Variants in CNPPD1 observed in about 807,000 individuals in gnomAD.
CNPPD1 encodes cyclin Pas1/PHO80 domain containing 1.
In CNPPD1, 40 loss-of-function variants were observed where a neutral mutation model predicts 43.7. The ratio of observed to expected loss-of-function variants is 0.92; its 90% CI spans 0.71 to 1.19. The LOEUF is 1.19. CNPPD1 is among the 50% of genes most tolerant of loss of function. CNPPD1 has a pLI of 0.00. For synonymous variants in CNPPD1, 208 were observed against 214.3 expected, an observed-to-expected ratio of 0.97 and a Z score of 0.26; for missense variants, 511 against 518.5, an observed-to-expected ratio of 0.99 and a Z score of 0.14.
In CNPPD1 at chr2:219,173,474, G is replaced by C; in HGVS notation, c.573-7C>G. 1.9e-6 allele frequency: 3 copies of C among 1,612,388 alleles called. No homozygotes were observed. Among genetic ancestry groups the C allele is most frequent in the Non-Finnish European group, 2.5e-6 (3 of 1,178,676 alleles). ...TCCCTGCTGCTCAGCCACACTGGGGGAAGTGGAGAAATGACAAGAGTATGC... is the reference window on the plus strand; with the variant it reads ...TCCCTGCTGCTCAGCCACACTGGGGCAAGTGGAGAAATGACAAGAGTATGC... On this transcript the variant is annotated splice_region_variant and splice_polypyrimidine_tract_variant and intron_variant, in intron 6 of 7. Coordinates refer to ENST00000360507, the MANE Select transcript of CNPPD1 (RefSeq NM_015680.6).
intron 7 of CNPPD1, 83 bp downstream of exon 7, chr2:219,173,267 G>C: frequency 1.4e-6 from 2 of 1,456,844 alleles, no homozygotes; most frequent in Non-Finnish European, 1.9e-6. Context: ...CCCATCTCCT[G>C]GGCTTTTCAG....
At position 219,172,502 on chromosome 2, in the gene CNPPD1, G is replaced by T; in HGVS notation, c.*84C>A. Reference sequence around the variant, plus strand: ...AGGGGACCTGCCAAGGACCCAGCGAGGCAGACAGGATCTGAATCAAGCTTT... The same window carrying T: ...AGGGGACCTGCCAAGGACCCAGCGATGCAGACAGGATCTGAATCAAGCTTT... On this transcript the variant is annotated 3_prime_UTR_variant, in exon 8 of 8. Transcript: ENST00000360507. The T allele has an allele frequency of 6.9e-7, 1 of 1,457,190 alleles. No homozygotes were observed. The highest frequency in any genetic ancestry group is 9.6e-7 in the Non-Finnish European group (1 of 1,043,314). 90.3% of individuals were successfully genotyped at this position (1,457,190 alleles called of 1,614,324 possible).
Position 219,173,477 on chromosome 2 carries a change from G to A in CNPPD1, c.573-10C>T, listed in dbSNP as rs760659532. The A allele has an allele frequency of 6.2e-6, 10 of 1,611,830 alleles. No individual in the cohort carries two copies. Among genetic ancestry groups the A allele is most frequent in the South Asian group, 2.2e-5 (2 of 91,010 alleles). On this transcript the variant is annotated splice_polypyrimidine_tract_variant and intron_variant, in intron 6 of 7. Transcript: ENST00000360507. ...CTGCTGCTCAGCCACACTGGGGGAA[G>A]TGGAGAAATGACAAGAGTATGCAAC...
upstream of CNPPD1, chr2:219,176,937 G>A (rs1285092822): frequency 1.1e-6 from 1 of 946,996 alleles, no homozygotes; most frequent in Admixed American, 2.8e-5. Context: ...CCTCCCCGGG[G>A]CGGGCCGCCG....
In CNPPD1 at chr2:219,172,194, T is replaced by A; in HGVS notation, c.*392A>T. ...CCCCGGCTCTTCTGCCTCAGGGACA[T>A]CACACAGGCCCATGCCAACATTTCC... is the stretch of plus-strand genomic sequence containing the variant. On this transcript the variant is annotated 3_prime_UTR_variant, in exon 8 of 8. Coordinates refer to ENST00000360507, the MANE Select transcript of CNPPD1 (RefSeq NM_015680.6). The A allele has an allele frequency of 3.8e-6, 1 of 264,204 alleles. No individual in the cohort carries two copies. The highest frequency in any genetic ancestry group is 7.3e-6 in the Non-Finnish European group (1 of 136,140). 16.4% of individuals were successfully genotyped at this position (264,204 alleles called of 1,614,324 possible).
At chr2:219,176,934 G>A (rs1182808697), upstream of CNPPD1, 4 of 986,130 alleles carry the variant, frequency 4.1e-6, no homozygotes, top group East Asian at 6.1e-5. Flanking sequence ...CTGCCTCCCC[G>A]GGGCGGGCCG....
In CNPPD1 at chr2:219,173,386, C is replaced by T; in HGVS notation, c.654G>A (p.Gln218=). 6.2e-7 allele frequency: 1 copy of T among 1,613,664 alleles called. No homozygotes were observed. The change falls in exon 7 of 8, where the codon CAG becomes CAA. Residue 218 remains glutamine (Q), a synonymous_variant. Coordinates refer to ENST00000360507, the MANE Select transcript of CNPPD1 (RefSeq NM_015680.6). ...LCVLLEQPTW[Q]LALGSLCQRL... The stretch of plus-strand genomic sequence containing the variant: ...GCTGGCAGAGGGAGCCCAGGGCCAA[C>T]TGCCAGGTCGGCTGCTCCAGCAGCA...
upstream of CNPPD1, chr2:219,176,961 CCTCGCA>C: frequency 1.5e-6 from 1 of 674,868 alleles, no homozygotes; most frequent in Non-Finnish European, 2.4e-6. Flanking sequence ...TCGCCCTCGC[CCTCGCA>C]GCTCCCTCCC....
upstream of CNPPD1, chr2:219,176,946 C>A (rs866423224): frequency 9.0e-5 from 74 of 819,438 alleles, 6 homozygotes; most frequent in Middle Eastern, 0.014. Context: ...GGCGGGCCGC[C>A]GTCCTCGCCC....
intron 5 of CNPPD1, 137 bp from the exon 6 acceptor site, chr2:219,174,344 C>CA: frequency 1.2e-6 from 1 of 860,592 alleles, no homozygotes; most frequent in Admixed American, 2.0e-5. Flanking sequence ...GATACTGTCT[C>CA]AAAAGTTTTT....
intron 5 of CNPPD1, 52 bp downstream of exon 5, chr2:219,174,726 A>T: frequency 6.5e-7 from 1 of 1,529,916 alleles, no homozygotes; most frequent in Non-Finnish European, 8.8e-7. Context: ...GGACTAAAGG[A>T]CGGTTAAAGA....
chr2:219,173,703 T>C (rs1273063256), intron 6 of CNPPD1, among the ~76,000 whole-genome samples: 4 of 152,178 alleles, frequency 2.6e-5, no homozygotes, highest in Non-Finnish European at 5.9e-5. Context: ...AGTGCAGTAG[T>C]GCAATCATAG....
intron 7 of CNPPD1, 68 bp downstream of exon 7, chr2:219,173,282 C>A: frequency 6.7e-7 from 1 of 1,491,618 alleles, no homozygotes; most frequent in Non-Finnish European, 9.2e-7. Context: ...TTTCAGCAAT[C>A]ACTTCACACC....
At chr2:219,176,409 G>A (rs1436435321) in intron 1 of CNPPD1, 78 bp from the exon 2 acceptor site, 7 of 1,148,016 alleles carry the variant, frequency 6.1e-6, no homozygotes, top group Non-Finnish European at 9.0e-6. Context: ...GCTGGAAGGC[G>A]GGGCAGGGGA....
chr2:219,174,270 G>A, intron 5 of CNPPD1, 63 bp from the exon 6 acceptor site: 2 of 1,531,204 alleles, frequency 1.3e-6, no homozygotes, highest in Non-Finnish European at 1.8e-6. Flanking sequence ...TTAATAATAA[G>A]AGCCATAGCA....
chr2:219,175,252 G>A, intron 3 of CNPPD1, 144 bp from the exon 4 acceptor site: 1 of 1,150,094 alleles, frequency 8.7e-7, no homozygotes, highest in Non-Finnish European at 1.2e-6. Context: ...TGTAATCCCA[G>A]CACTTTGGAA....
chr2:219,175,152 A>C, intron 3 of CNPPD1, 44 bp from the exon 4 acceptor site: 5 of 1,530,676 alleles, frequency 3.3e-6, no homozygotes, highest in Non-Finnish European at 4.4e-6. Context: ...AGGGTCCTTC[A>C]GCTCTTGCAA....
chr2:219,173,325 C>T (rs1375301659), intron 7 of CNPPD1, 25 bp downstream of exon 7: 2 of 1,599,254 alleles, frequency 1.3e-6, no homozygotes, highest in Non-Finnish European at 1.7e-6. Flanking sequence ...GCTCAAGCTC[C>T]CTATCCTTCC....
rs751110890 is a variant in CNPPD1, at chr2:219,176,747, G to T, written c.69+13C>A. The T allele has an allele frequency of 1.4e-5, 22 of 1,557,170 alleles. No homozygotes were observed. In the African/African-American group the frequency reaches 2.4e-4, roughly 17 times the overall value. On this transcript the variant is annotated intron_variant, in intron 1 of 7. Transcript: ENST00000360507. The stretch of plus-strand genomic sequence containing the variant: ...CGCCGGGAGGCCGGGGAGGGGGCGG[G>T]ACCCCCACTCACCGTGAAGTCCTGG...
Sources: allele counts gnomAD v4.1 joint callset (sites outside exome capture counted in the v4.1 genomes callset), GRCh38; gene constraint gnomAD v4.1.1; transcripts MANE v1.5; gene names NCBI Gene and HGNC (gene_info 2026-07-23, HGNC 2026-07-21).